HTRA4: variants seen among roughly 807,000 people sequenced by gnomAD.
HTRA4 encodes serine protease HTRA4.
Under a neutral mutation model 49.1 loss-of-function variants are expected in HTRA4, and 46 were observed. The observed-to-expected ratio is 0.94, with a 90% CI of 0.74 to 1.20. HTRA4 has a LOEUF of 1.20. HTRA4 is among the 50% of genes most tolerant of loss of function. The pLI, the probability that HTRA4 is intolerant of heterozygous loss-of-function variation, is 0.00. For synonymous variants in HTRA4, 261 were observed against 264.0 expected (o/e 0.99, Z 0.11); for missense variants, 602 against 636.9 (o/e 0.95, Z 0.59).
In HTRA4 at chr8:38,982,989, C is replaced by A; in HGVS notation, c.1209C>A (p.Phe403Leu). 1 of 1,613,746 alleles carries A rather than the reference C, an allele frequency of 6.2e-7. No homozygotes were observed. The highest frequency in any genetic ancestry group is 8.5e-7 in the Non-Finnish European group (1 of 1,179,740). ...SEELKMHYPD[F>L]PDVSSGVYVC... ...AATTGAAAATGCATTATCCAGATTT[C>A]CCTGATGTGAGTTCTGGGGTTTATG... Residue 403 changes from phenylalanine to leucine, a missense_variant, in exon 8 of 9, where the codon TTC becomes TTA. Coordinates refer to ENST00000302495, the MANE Select transcript of HTRA4 (RefSeq NM_153692.4).
chr8:38,976,039 C>T (rs1208607216), intron 2 of HTRA4, among the ~76,000 whole-genome samples: 1 of 152,208 alleles, frequency 6.6e-6, no homozygotes, highest in South Asian at 2.1e-4. Context: ...CAAGAGATGG[C>T]TGGGGCCCTG....
intron 5 of HTRA4, 51 bp from the exon 6 acceptor site, chr8:38,981,602 C>G (rs375705243): frequency 1.1e-5 from 14 of 1,266,368 alleles, no homozygotes; most frequent in Non-Finnish European, 1.3e-5. Flanking sequence ...TGGTCTTGCA[C>G]TCATCAGTTT....
At chr8:38,986,784 G>A (rs1482368046) in intron 8 of HTRA4, among the ~76,000 whole-genome samples, 2 of 152,134 alleles carry the variant, frequency 1.3e-5, no homozygotes, top group African/African-American at 4.8e-5. Context: ...GTGATTTAGT[G>A]GCAAGAAGAT....
chr8:38,988,126 A>C lies in HTRA4; in HGVS notation c.*28A>C. On this transcript the variant is annotated 3_prime_UTR_variant, in exon 9 of 9. Coordinates refer to ENST00000302495, the MANE Select transcript of HTRA4 (RefSeq NM_153692.4). The stretch of plus-strand genomic sequence containing the variant: ...ATCTTGTTTTAAAGTGGGATTATCT[A>C]AAAAAAAAAAAACCAGTTATATCAC... 1 of 811,326 alleles carries C rather than the reference A, an allele frequency of 1.2e-6. No individual in the cohort carries two copies. Among genetic ancestry groups the C allele is most frequent in the East Asian group, 3.8e-5 (1 of 26,524 alleles). The allele number at this position is 811,326 out of a possible 1,614,324, so 50.3% of individuals were successfully genotyped here.
chr8:38,979,305 T>A, intron 5 of HTRA4, 58 bp downstream of exon 5: 1 of 1,503,280 alleles, frequency 6.7e-7, no homozygotes, highest in Non-Finnish European at 9.3e-7. Context: ...AAGACTTTAT[T>A]AATTCCAGGC....
chr8:38,976,601 G>A lies in HTRA4; in HGVS notation c.633G>A (p.Gly211=). Residue 211 remains glycine (G), a synonymous_variant, in exon 3 of 9, where the codon GGG becomes GGA. Coordinates refer to ENST00000302495, the MANE Select transcript of HTRA4 (RefSeq NM_153692.4). Reference sequence around the variant, plus strand: ...CTGGGTTCATAGTGTCTGAGGACGGGCTCATTATTACCAATGCCCATGTTG... The same window carrying A: ...CTGGGTTCATAGTGTCTGAGGACGGACTCATTATTACCAATGCCCATGTTG... ...SGSGFIVSED[G]LIITNAHVVR... is the part of the protein sequence containing the mutation. 1 of 1,614,130 alleles carries A rather than the reference G, an allele frequency of 6.2e-7. No individual in the cohort carries two copies. Among genetic ancestry groups the A allele is most frequent in the African/African-American group, 1.3e-5 (1 of 75,028 alleles).
rs368275367 is a variant in HTRA4, at chr8:38,976,655, G to A, written c.687G>A (p.Val229=). 3 of 1,614,086 alleles carry A rather than the reference G, an allele frequency of 1.9e-6. No homozygotes were observed. The part of the protein sequence containing the change: ...VVRNQQWIEV[V]LQNGARYEAV... ...GGAACCAGCAGTGGATTGAGGTGGT[G>A]CTCCAGAATGGGGCCCGTTATGAAG... is the stretch of plus-strand genomic sequence containing the variant. Residue 229 remains valine (V), a synonymous_variant, in exon 3 of 9, where the codon GTG becomes GTA. Coordinates refer to ENST00000302495, the MANE Select transcript of HTRA4 (RefSeq NM_153692.4).
rs541014908 is a variant in HTRA4 at position 38,976,598 on chromosome 8, C to T, written c.630C>T (p.Asp210=). The T allele has an allele frequency of 1.7e-5, 28 of 1,614,108 alleles. No homozygotes were observed. The highest frequency in any genetic ancestry group is 6.7e-5 in the African/African-American group (5 of 75,002). Residue 210 remains aspartate (D), a synonymous_variant, in exon 3 of 9, where the codon GAC becomes GAT. Transcript: ENST00000302495. ...GCTCTGGGTTCATAGTGTCTGAGGA[C>T]GGGCTCATTATTACCAATGCCCATG... ...YSGSGFIVSE[D]GLIITNAHVV...
chr8:38,978,171 C>A, intron 4 of HTRA4, 24 bp downstream of exon 4: 2 of 1,591,694 alleles, frequency 1.3e-6, no homozygotes, highest in Non-Finnish European at 1.7e-6. Flanking sequence ...GACAGAGGTG[C>A]CCAACCCATG....
chr8:38,983,069 T>G (rs200212415), intron 8 of HTRA4, 21 bp downstream of exon 8: 13 of 1,528,828 alleles, frequency 8.5e-6, no homozygotes, highest in Non-Finnish European at 1.2e-5. Flanking sequence ...TGAAGGCCTT[T>G]GTCATCTACC....
chr8:38,982,884 A>G (rs1835441243), intron 7 of HTRA4, 69 bp from the exon 8 acceptor site: 1 of 1,066,176 alleles, frequency 9.4e-7, no homozygotes, highest in South Asian at 1.4e-5. Context: ...GTACCTACTA[A>G]GAATTTCAGG....
chr8:38,978,905 G>T (rs1835385373), intron 4 of HTRA4, among the ~76,000 whole-genome samples: 1 of 149,130 alleles, frequency 6.7e-6, no homozygotes, highest in Non-Finnish European at 1.5e-5. Context: ...TGAGGCAGGA[G>T]AATCACTTGA....
chr8:38,986,312 C>T (rs771326699), intron 8 of HTRA4, among the ~76,000 whole-genome samples: 5 of 152,076 alleles, frequency 3.3e-5, no homozygotes, highest in South Asian at 4.1e-4. Flanking sequence ...GACTGAGTTT[C>T]GCTCTTGTTG....
Position 38,976,538 on chromosome 8 carries a change from A to G in HTRA4, c.570A>G (p.Leu190=). Residue 190 remains leucine, a synonymous_variant, in exon 3 of 9, where the codon TTA becomes TTG. Transcript: ENST00000302495. ...CACTATTGTCTTGTGGAGACAGGTT[A>G]CTTCACGGCAGCAGGCTTGTTCCTG... The part of the protein sequence containing the change: ...SVVHVQLWGR[L]LHGSRLVPVY... 1 of 1,613,666 alleles carries G rather than the reference A, an allele frequency of 6.2e-7. No individual in the cohort carries two copies. Among genetic ancestry groups the G allele is most frequent in the Non-Finnish European group, 8.5e-7 (1 of 1,180,030 alleles).
In HTRA4 at chr8:38,974,613, G is replaced by A. The variant is rs764934574; in HGVS notation, c.350G>A (p.Gly117Asp). Residue 117 changes from glycine to aspartate, a missense_variant, in exon 1 of 9, where the codon GGC (glycine) becomes GAC (aspartate). Transcript: ENST00000302495. ...CCGACGCTGGGAGGGGCCGTGTGCG[G>A]CAGCGACAGGCGCACCTACCCCAGC... ...GCPTLGGAVCGSDRRTYPSMC... is the reference protein window; with the variant it reads ...GCPTLGGAVCDSDRRTYPSMC... The A allele has an allele frequency of 7.0e-7, 1 of 1,426,232 alleles. No homozygotes were observed. Among genetic ancestry groups the A allele is most frequent in the African/African-American group, 1.5e-5 (1 of 66,794 alleles). The allele number at this position is 1,426,232 out of a possible 1,614,324, so 88.3% of individuals were successfully genotyped here.
intron 5 of HTRA4, among the ~76,000 whole-genome samples, chr8:38,980,289 C>A (rs182015142): frequency 5.5e-4 from 82 of 148,116 alleles, no homozygotes; most frequent in African/African-American, 2.0e-3. Flanking sequence ...TTTTTTTTTA[C>A]TCATAGCATT....
intron 3 of HTRA4, 60 bp from the exon 4 acceptor site, chr8:38,977,893 C>T: frequency 6.4e-7 from 1 of 1,565,610 alleles, no homozygotes; most frequent in Admixed American, 1.8e-5. Flanking sequence ...TTGGTCAATT[C>T]TGATCGTGAT....
At chr8:38,987,908 G>C (rs1835503824) in intron 8 of HTRA4, 28 bp from the exon 9 acceptor site, 1 of 1,525,418 alleles carries the variant, frequency 6.6e-7, no homozygotes, top group Non-Finnish European at 8.8e-7. Context: ...ATAGTTTCAT[G>C]ATCCTCTTTT....
chr8:38,979,113 G>T, intron 4 of HTRA4, 102 bp from the exon 5 acceptor site: 2 of 1,062,196 alleles, frequency 1.9e-6, no homozygotes, highest in Middle Eastern at 2.0e-4. Context: ...ATAGGAGCTT[G>T]GTGGGCTGCT....
Sources: allele counts gnomAD v4.1 joint callset (sites outside exome capture counted in the v4.1 genomes callset), GRCh38; gene constraint gnomAD v4.1.1; transcripts MANE v1.5; gene names NCBI Gene and HGNC (gene_info 2026-07-23, HGNC 2026-07-21).